The following SLC24A3 variants were observed in gnomAD, a reference collection of about 807,000 sequenced individuals.
SLC24A3 encodes the protein sodium/potassium/calcium exchanger 3.
A neutral mutation model predicts 75.8 loss-of-function variants in SLC24A3; 28 were observed. The ratio of observed to expected loss-of-function variants is 0.37; its 90% confidence interval spans 0.27 to 0.51. The LOEUF (loss-of-function observed/expected upper bound fraction) is 0.51. SLC24A3 is among the 20% of genes least tolerant of loss of function. The pLI is 0.94. For missense variants in SLC24A3, 663 were observed against 847.8 expected (o/e 0.78, Z 2.71); for synonymous variants, 372 against 334.1 (o/e 1.11, Z -1.24).
At chr20:19,457,231 G>A (rs1987593251) in intron 2 of SLC24A3, among the ~76,000 whole-genome samples, 2 of 152,170 alleles carry the variant, frequency 1.3e-5, no homozygotes, top group Non-Finnish European at 2.9e-5. Context: ...TGTGGTGAGG[G>A]GGGAAATGTG....
At chr20:19,687,174 G>T (rs2032686104) in intron 12 of SLC24A3, among the ~76,000 whole-genome samples, 1 of 152,156 alleles carries the variant, frequency 6.6e-6, no homozygotes, top group African/African-American at 2.4e-5. Context: ...AGAGGCTCTG[G>T]GAGAAATCAT....
chr20:19,598,905 T>C (rs75481276), intron 6 of SLC24A3, among the ~76,000 whole-genome samples: 8 of 149,464 alleles, frequency 5.4e-5, no homozygotes, highest in African/African-American at 1.8e-4. Flanking sequence ...TATATGTATA[T>C]ACACACACAC....
In SLC24A3 at chr20:19,215,177, G is replaced by A. The variant is rs930530372; in HGVS notation, c.142+2193G>A. On this transcript the variant is annotated intron_variant, in intron 1 of 16. Transcript: ENST00000328041. ...ATTTTGCAAGGGGAATTGTCGTTTG[G>A]CACACGTAAGCATTTGAATGGTGAC... 3.3e-5 allele frequency among the ~76,000 whole-genome samples: 5 copies of A among 152,304 alleles called. No homozygotes were observed. In the South Asian group the frequency reaches 1.0e-3, roughly 32 times the overall value.
intron 1 of SLC24A3, among the ~76,000 whole-genome samples, chr20:19,233,373 T>C (rs1477102260): frequency 1.3e-5 from 2 of 152,334 alleles, no homozygotes; most frequent in South Asian, 2.1e-4. Flanking sequence ...AAGGAAACCA[T>C]ACATGGACGC....
At chr20:19,492,166 T>G (rs1330395817) in intron 2 of SLC24A3, among the ~76,000 whole-genome samples, 1 of 152,230 alleles carries the variant, frequency 6.6e-6, no homozygotes, top group Non-Finnish European at 1.5e-5. Flanking sequence ...CAGAGCTTTC[T>G]GGCCTTGACA....
At chr20:19,717,412 G>T (rs1005404416) in intron 15 of SLC24A3, 116 bp from the exon 16 acceptor site, 12 of 925,040 alleles carry the variant, frequency 1.3e-5, no homozygotes, top group Non-Finnish European at 1.9e-5. Context: ...TCATTCTAGA[G>T]GGGAGATGTG....
intron 2 of SLC24A3, among the ~76,000 whole-genome samples, chr20:19,435,806 CAT>C (rs1317643621): frequency 1.3e-5 from 2 of 152,136 alleles, no homozygotes; most frequent in Admixed American, 6.5e-5. Context: ...ATAGGAGAAA[CAT>C]AGAACAGAGA....
At chr20:19,216,210 T>C (rs1015307999) in intron 1 of SLC24A3, among the ~76,000 whole-genome samples, 10 of 152,204 alleles carry the variant, frequency 6.6e-5, no homozygotes, top group African/African-American at 2.4e-4. Context: ...TTTTCTTTCC[T>C]TTTTGCAATG....
chr20:19,293,690 A>G (rs1411445861), intron 2 of SLC24A3, among the ~76,000 whole-genome samples: 1 of 151,232 alleles, frequency 6.6e-6, no homozygotes, highest in Non-Finnish European at 1.5e-5. Flanking sequence ...TATTTCCTTT[A>G]AGGATGCCCA....
chr20:19,283,663 A>G lies in SLC24A3; in HGVS notation c.271+2576A>G, dbSNP rs1206594274. Among the ~76,000 whole-genome samples the G allele has an allele frequency of 2.7e-3, 417 of 152,308 alleles. 7 individuals carry two copies. The highest frequency in any genetic ancestry group is 2.8e-4 in the Non-Finnish European group (19 of 68,036). ...TCTCTACCCCGGGTCTTAGAGTCAC[A>G]CTGACCTGAAGCTGTGGACTTTGGC... On this transcript the variant is annotated intron_variant, in intron 2 of 16. Transcript: ENST00000328041.
intron 6 of SLC24A3, among the ~76,000 whole-genome samples, chr20:19,645,460 A>T (rs1447555986): frequency 2.0e-5 from 3 of 152,138 alleles, no homozygotes; most frequent in Admixed American, 6.5e-5. Context: ...GGGTCTAAGG[A>T]CAATCCTAGC....
At chr20:19,598,213 T>C (rs2031475993) in intron 6 of SLC24A3, among the ~76,000 whole-genome samples, 1 of 152,216 alleles carries the variant, frequency 6.6e-6, no homozygotes, top group Admixed American at 6.5e-5. Context: ...AAGACATTTG[T>C]GGCCTCCTGC....
intron 1 of SLC24A3, among the ~76,000 whole-genome samples, chr20:19,233,800 A>T (rs1340322097): frequency 6.6e-6 from 1 of 152,158 alleles, no homozygotes; most frequent in Non-Finnish European, 1.5e-5. Flanking sequence ...CTGGACAGTG[A>T]CTCTAGAGAC....
At chr20:19,406,832 T>C (rs7264831) in intron 2 of SLC24A3, among the ~76,000 whole-genome samples, 50,052 of 152,092 alleles carry the variant, frequency 0.33, 9,734 homozygotes, top group Middle Eastern at 0.52. Context: ...GTTTGCTTTT[T>C]CTATTGTAAG....
intron 16 of SLC24A3, 29 bp from the exon 17 acceptor site, chr20:19,720,962 G>A: frequency 6.2e-7 from 1 of 1,610,628 alleles, no homozygotes; most frequent in Non-Finnish European, 8.5e-7. Context: ...TCCTCCTGGT[G>A]CCCTCTGAAC....
chr20:19,507,264 A>G (rs185542196), intron 2 of SLC24A3, among the ~76,000 whole-genome samples: 18 of 152,324 alleles, frequency 1.2e-4, no homozygotes, highest in African/African-American at 4.1e-4. Flanking sequence ...TCCCTCCCCC[A>G]GTCTACTGGA....
At chr20:19,531,628 G>A (rs957566888) in intron 3 of SLC24A3, among the ~76,000 whole-genome samples, 11 of 152,240 alleles carry the variant, frequency 7.2e-5, no homozygotes, top group African/African-American at 2.4e-4. Context: ...GTTAGCCAGT[G>A]TATGTGTAAA....
chr20:19,295,317 T>C (rs1055104154), intron 2 of SLC24A3, among the ~76,000 whole-genome samples: 1 of 152,206 alleles, frequency 6.6e-6, no homozygotes, highest in African/African-American at 2.4e-5. Context: ...CAGAGACAGT[T>C]TGACTTCCTC....
intron 2 of SLC24A3, among the ~76,000 whole-genome samples, chr20:19,282,083 C>T (rs894672306): frequency 6.6e-6 from 1 of 152,184 alleles, no homozygotes; most frequent in South Asian, 2.1e-4. Flanking sequence ...TTAGTGTCAG[C>T]ACGGAAGGAT....
Sources: allele counts gnomAD v4.1 joint callset (sites outside exome capture counted in the v4.1 genomes callset), GRCh38; gene constraint gnomAD v4.1.1; transcripts MANE v1.5; gene names NCBI Gene and HGNC (gene_info 2026-07-23, HGNC 2026-07-21).